Variants in CAVIN1 observed in about 807,000 individuals in gnomAD.
The protein encoded by CAVIN1 is caveolae-associated protein 1.
In CAVIN1, 16 loss-of-function variants were observed where a neutral mutation model predicts 24.0. The observed-to-expected ratio is 0.67, with a 90% CI of 0.45 to 1.01. CAVIN1 has a LOEUF of 1.01. Among genes scored for constraint, CAVIN1 ranks in the 50% least tolerant of loss-of-function variants. The pLI is 0.00. For synonymous variants in CAVIN1, 256 were observed against 256.4 expected (o/e 1.00, Z 0.02); for missense variants, 510 against 551.7 (o/e 0.92, Z 0.76).
In CAVIN1 at chr17:42,404,085, T is replaced by A. The variant is rs1332086228; in HGVS notation, c.*602A>T. On this transcript the variant is annotated 3_prime_UTR_variant, in exon 2 of 2. Coordinates refer to ENST00000357037, the MANE Select transcript of CAVIN1 (RefSeq NM_012232.6). ...CCCAGGGCTTCTCTTGGCTCCAGCG[T>A]TCCTCTGGGACCCTCTGCAGATACA... 1 of 153,096 alleles carries A rather than the reference T, an allele frequency of 6.5e-6. No homozygotes were observed. The highest frequency in any genetic ancestry group is 1.5e-5 in the Non-Finnish European group (1 of 68,650). 9.5% of individuals were successfully genotyped at this position (153,096 alleles called of 1,614,324 possible). A position where few individuals can be genotyped will look rare whatever the true frequency, so the allele number is the denominator to read the frequency against.
intron 1 of CAVIN1, among the ~76,000 whole-genome samples, chr17:42,419,882 CGTGTGTGTGT>C (rs5820458): frequency 7.0e-4 from 101 of 143,754 alleles, no homozygotes; most frequent in Middle Eastern, 3.5e-3. Flanking sequence ...TGCTGAATTT[CGTGTGTGTGT>C]GTGTGTGTGT....
intron 1 of CAVIN1, chr17:42,412,160 G>T: frequency 1.0e-6 from 1 of 985,296 alleles, no homozygotes; most frequent in Non-Finnish European, 1.2e-6. Flanking sequence ...ACTGTCTCAG[G>T]CTTCAGGTCA....
chr17:42,413,586 A>G, intron 1 of CAVIN1, among the ~76,000 whole-genome samples: 1 of 129,702 alleles, frequency 7.7e-6, no homozygotes, highest in African/African-American at 2.8e-5. Context: ...AAAAAAAAAA[A>G]AAAAAAAAAA....
chr17:42,406,315 G>A (rs2085446355), intron 1 of CAVIN1, among the ~76,000 whole-genome samples: 1 of 151,928 alleles, frequency 6.6e-6, no homozygotes, highest in Admixed American at 6.6e-5. Context: ...GCCCACAGCT[G>A]CACCTACCCA....
chr17:42,415,954 A>G (rs1159449879), intron 1 of CAVIN1, among the ~76,000 whole-genome samples: 1 of 151,582 alleles, frequency 6.6e-6, no homozygotes, highest in Admixed American at 6.6e-5. Flanking sequence ...TATGAAAAAT[A>G]AAAATAAAAA....
At chr17:42,415,322 A>G (rs1324095770) in intron 1 of CAVIN1, among the ~76,000 whole-genome samples, 1 of 152,214 alleles carries the variant, frequency 6.6e-6, no homozygotes, top group Non-Finnish European at 1.5e-5. Flanking sequence ...TTGAGTGACA[A>G]TAGGCTAGTG....
chr17:42,421,061 G>A (rs572902641), intron 1 of CAVIN1, among the ~76,000 whole-genome samples: 60 of 152,282 alleles, frequency 3.9e-4, no homozygotes, highest in African/African-American at 1.4e-3. Flanking sequence ...TATCTAAATA[G>A]TGCTTAAGTA....
intron 1 of CAVIN1, among the ~76,000 whole-genome samples, chr17:42,421,274 C>G (rs2085543461): frequency 6.6e-6 from 1 of 152,094 alleles, no homozygotes; most frequent in African/African-American, 2.4e-5. Flanking sequence ...CCTGGGGAAA[C>G]CAAGCCAAGG....
At chr17:42,419,232 T>C (rs938658174) in intron 1 of CAVIN1, among the ~76,000 whole-genome samples, 2 of 152,222 alleles carry the variant, frequency 1.3e-5, no homozygotes, top group Admixed American at 6.5e-5. Context: ...AAACAAATTG[T>C]TGCCTGGAAG....
Position 42,423,046 on chromosome 17 carries a change from C to T in CAVIN1, c.52G>A (p.Asp18Asn). 2 of 1,609,244 alleles carry T rather than the reference C, an allele frequency of 1.2e-6. No individual in the cohort carries two copies. Among genetic ancestry groups the T allele is most frequent in the Non-Finnish European group, 1.7e-6 (2 of 1,178,380 alleles). ...GAGGAAGGCTCCGGGGCCTCGGCGTCGGGGTACCCGGGAAGCGGCCGCTCG... is the reference window on the plus strand; with the variant it reads ...GAGGAAGGCTCCGGGGCCTCGGCGTTGGGGTACCCGGGAAGCGGCCGCTCG... ...IVERPLPGYP[D>N]AEAPEPSSAG... The change falls in exon 1 of 2, where the codon GAC becomes AAC. Residue 18 changes from aspartate to asparagine, a missense_variant. Coordinates refer to ENST00000357037, the MANE Select transcript of CAVIN1 (RefSeq NM_012232.6).
At chr17:42,414,821 A>T (rs1489873101) in intron 1 of CAVIN1, among the ~76,000 whole-genome samples, 2 of 152,038 alleles carry the variant, frequency 1.3e-5, no homozygotes, top group African/African-American at 4.8e-5. Context: ...GCTGAAGAGA[A>T]AGGGAAACAA....
intron 1 of CAVIN1, among the ~76,000 whole-genome samples, chr17:42,422,240 T>C (rs2085553155): frequency 6.6e-6 from 1 of 152,150 alleles, no homozygotes; most frequent in African/African-American, 2.4e-5. Flanking sequence ...GACCCCTGAC[T>C]TTCCTAGAAA....
At chr17:42,413,993 G>C (rs933967441) in intron 1 of CAVIN1, among the ~76,000 whole-genome samples, 2 of 152,110 alleles carry the variant, frequency 1.3e-5, no homozygotes, top group Non-Finnish European at 2.9e-5. Flanking sequence ...TGCCTCCTGA[G>C]TTCAAGTGAT....
chr17:42,405,311 G>A lies in CAVIN1; in HGVS notation c.549C>T (p.Gly183=), dbSNP rs201900842. 69 of 1,611,450 alleles carry A rather than the reference G, an allele frequency of 4.3e-5. No individual in the cohort carries two copies. The highest frequency in any genetic ancestry group is 4.8e-5 in the Non-Finnish European group (57 of 1,179,984). The change falls in exon 2 of 2, where the codon GGC becomes GGT. Residue 183 remains glycine (G), a synonymous_variant. Transcript: ENST00000357037. The part of the protein sequence containing the change: ...KESEALPEKE[G]EELGEGERPE... Reference sequence around the variant, plus strand: ...GCCGCTCGCCCTCGCCCAGCTCCTCGCCCTCCTTCTCTGGCAGCGCCTCCG... The same window carrying A: ...GCCGCTCGCCCTCGCCCAGCTCCTCACCCTCCTTCTCTGGCAGCGCCTCCG...
chr17:42,405,162 T>C lies in CAVIN1; in HGVS notation c.698A>G (p.Lys233Arg). ...RSGLRRVDDFKKAFSKEKMEK... is the reference protein window; with the variant it reads ...RSGLRRVDDFRKAFSKEKMEK... Reference sequence around the variant, plus strand: ...CATCTTCTCCTTGGAGAAGGCCTTCTTGAAGTCGTCCACGCGCCGCAGGCC... The same window carrying C: ...CATCTTCTCCTTGGAGAAGGCCTTCCTGAAGTCGTCCACGCGCCGCAGGCC... The change falls in exon 2 of 2, where the codon AAG becomes AGG. Residue 233 changes from lysine (K) to arginine (R), a missense_variant. Coordinates refer to ENST00000357037, the MANE Select transcript of CAVIN1 (RefSeq NM_012232.6). 1 of 1,614,040 alleles carries C rather than the reference T, an allele frequency of 6.2e-7. No individual in the cohort carries two copies. The highest frequency in any genetic ancestry group is 1.1e-5 in the South Asian group (1 of 91,086).
intron 1 of CAVIN1, 73 bp from the exon 2 acceptor site, chr17:42,405,461 G>T (rs931874088): frequency 5.3e-6 from 8 of 1,501,950 alleles, no homozygotes; most frequent in Non-Finnish European, 7.3e-6. Context: ...TCAGGGTGGT[G>T]ACGATCCTGG....
chr17:42,412,122 C>T (rs113522307), intron 1 of CAVIN1: 13,934 of 985,268 alleles, frequency 0.014, 90 homozygotes, highest in Non-Finnish European at 0.015. Context: ...GTGCCCTAGG[C>T]GTCTGGTCAA....
At position 42,422,738 on chromosome 17, in the gene CAVIN1, G is replaced by C; in HGVS notation, c.360C>G (p.Asn120Lys). The change falls in exon 1 of 2, where the codon AAC becomes AAG. Residue 120 changes from asparagine to lysine, a missense_variant. Coordinates refer to ENST00000357037, the MANE Select transcript of CAVIN1 (RefSeq NM_012232.6). ...LLEKVRKVSV[N>K]VKTVRGSLER... ...CCAGGCTGCCGCGCACGGTCTTCAC[G>C]TTGACGCTGACCTTGCGCACCTTCT... 6.2e-7 allele frequency: 1 copy of C among 1,611,378 alleles called. No homozygotes were observed. The highest frequency in any genetic ancestry group is 1.3e-5 in the African/African-American group (1 of 74,994).
intron 1 of CAVIN1, chr17:42,412,059 G>C: frequency 1.0e-6 from 1 of 985,338 alleles, no homozygotes; most frequent in Non-Finnish European, 1.2e-6. Flanking sequence ...CACTCCCACC[G>C]GCTGTCAGCT....
Sources: allele counts gnomAD v4.1 joint callset (sites outside exome capture counted in the v4.1 genomes callset), GRCh38; gene constraint gnomAD v4.1.1; transcripts MANE v1.5; gene names NCBI Gene and HGNC (gene_info 2026-07-23, HGNC 2026-07-21).